The following PRR29 variants were observed in gnomAD, a reference collection of about 807,000 sequenced individuals.
The protein encoded by PRR29 is proline-rich protein 29.
In PRR29, 20 loss-of-function variants were observed where a neutral mutation model predicts 25.1. The observed-to-expected ratio is 0.80, with a 90% CI of 0.56 to 1.16. PRR29 has a LOEUF of 1.16. Among genes scored for constraint, PRR29 ranks in the 50% most tolerant of loss-of-function variants. The probability of loss-of-function intolerance (pLI) is 0.00; values close to 1 mark genes in which losing one functional copy is unlikely to be tolerated. For synonymous variants in PRR29, 108 were observed against 102.6 expected (o/e 1.05, Z -0.32); for missense variants, 238 against 246.6 (o/e 0.97, Z 0.23).
At position 64,003,650 on chromosome 17, in the gene PRR29, T is replaced by G. The variant is rs756792236; in HGVS notation, c.*1889T>G. 2 of 1,612,840 alleles carry G rather than the reference T, an allele frequency of 1.2e-6. No individual in the cohort carries two copies. The highest frequency in any genetic ancestry group is 2.2e-5 in the South Asian group (2 of 90,888). On this transcript the variant is annotated 3_prime_UTR_variant, in exon 6 of 6. Transcript: ENST00000412177. ...TCCACGGATCCCCCCTCACCATAGA[T>G]CTCCAACATCTTCGGGGCTGAGTGT...
In PRR29 at chr17:64,001,156, T is replaced by G. The variant is rs752371256; in HGVS notation, c.316T>G (p.Leu106Val). 1.2e-5 allele frequency: 19 copies of G among 1,537,316 alleles called. No individual in the cohort carries two copies. In the South Asian group the frequency reaches 1.5e-4, roughly 13 times the overall value. ...GATGGACGTGCGGGAGAAAGGGCCT[T>G]TGGTGTTTCACCACCACTACTTGCC... Reference protein sequence around the residue: ...EEMDVREKGPLVFHHHYLPYL... With the variant: ...EEMDVREKGPVVFHHHYLPYL... Residue 106 changes from leucine (L) to valine (V), a missense_variant, in exon 4 of 6, where the codon TTG becomes GTG. By Grantham distance (32) the Leu-to-Val change is conservative. Transcript: ENST00000412177.
Position 64,001,776 on chromosome 17 carries a change from CCTGGG to C in PRR29, c.*16_*20del, listed in dbSNP as rs1326722359. The C allele has an allele frequency of 2.0e-6, 3 of 1,537,032 alleles. No individual in the cohort carries two copies. The African/African-American group carries it at 4.1e-5, about 21-fold the overall frequency. On this transcript the variant is annotated 3_prime_UTR_variant, in exon 6 of 6. Transcript: ENST00000412177. ...GCCTCCTATGAGGACAGACCCCGGCCCTGGGAACTGCACCAGCTTCCTGCTCTGGA... is the reference window on the plus strand; with the variant it reads ...GCCTCCTATGAGGACAGACCCCGGCCAACTGCACCAGCTTCCTGCTCTGGA...
Position 64,001,929 on chromosome 17 carries a change from C to T in PRR29, c.*168C>T. The T allele has an allele frequency of 2.6e-6, 4 of 1,535,456 alleles. No homozygotes were observed. The highest frequency in any genetic ancestry group is 1.2e-5 in the South Asian group (1 of 84,024). ...TCTCCTGGGGAAATCAGTCCCTGCC[C>T]CACGCCAATGAGTTCCTGGACGGGC... is the stretch of plus-strand genomic sequence containing the variant. On this transcript the variant is annotated 3_prime_UTR_variant, in exon 6 of 6. Coordinates refer to ENST00000412177, the MANE Select transcript of PRR29 (RefSeq NM_001164257.2).
At position 64,003,849 on chromosome 17, in the gene PRR29, G is replaced by GA; in HGVS notation, c.*2090dup. 6.2e-7 allele frequency: 1 copy of GA among 1,614,224 alleles called. No individual in the cohort carries two copies. The highest frequency in any genetic ancestry group is 1.1e-5 in the South Asian group (1 of 91,084). On this transcript the variant is annotated 3_prime_UTR_variant, in exon 6 of 6. Coordinates refer to ENST00000412177, the MANE Select transcript of PRR29 (RefSeq NM_001164257.2). ...GCAGAGTCTCATTGCCACGGAACAG[G>GA]AAGAGGGTGAGGCTGTCCAGGGGCT...
chr17:64,000,454 C>G (rs1053997060), intron 3 of PRR29, among the ~76,000 whole-genome samples: 2 of 150,852 alleles, frequency 1.3e-5, no homozygotes, highest in Non-Finnish European at 3.0e-5. Flanking sequence ...CCCAGCCTCC[C>G]GAGTAGCTGG....
In PRR29 at chr17:64,003,629, CG is replaced by C. The variant is rs1910969693; in HGVS notation, c.*1870del. On this transcript the variant is annotated 3_prime_UTR_variant, in exon 6 of 6. Transcript: ENST00000412177. ...GACTTATCACTCCCAACTCCATCCACGGATCCCCCCTCACCATAGATCTCCA... is the reference window on the plus strand; with the variant it reads ...GACTTATCACTCCCAACTCCATCCACGATCCCCCCTCACCATAGATCTCCA... 6 of 1,602,800 alleles carry C rather than the reference CG, an allele frequency of 3.7e-6. No individual in the cohort carries two copies. The East Asian group carries it at 1.3e-4, about 36-fold the overall frequency.
chr17:64,002,096 C>T lies in PRR29; in HGVS notation c.*335C>T, dbSNP rs2143154925. The T allele has an allele frequency of 1.7e-6, 2 of 1,150,252 alleles. No homozygotes were observed. Among genetic ancestry groups the T allele is most frequent in the Non-Finnish European group, 2.4e-6 (2 of 825,622 alleles). 71.3% of individuals were successfully genotyped at this position (1,150,252 alleles called of 1,614,324 possible). On this transcript the variant is annotated 3_prime_UTR_variant, in exon 6 of 6. Transcript: ENST00000412177. ...AGCCCCCACCCTCTCTCCCTCACCC[C>T]TCTCTCTGGGATGATGAGGTCTCCT... is the stretch of plus-strand genomic sequence containing the variant.
intron 3 of PRR29, chr17:63,999,879 TGTGCGTGC>T (rs1910500088): frequency 6.5e-6 from 1 of 153,590 alleles, no homozygotes; most frequent in Non-Finnish European, 1.4e-5. Context: ...CAAGCAAGTG[TGTGCGTGC>T]AAGCAAGTGT....
Position 64,002,836 on chromosome 17 carries a change from TG to T in PRR29, c.*1076del. 1.2e-6 allele frequency: 2 copies of T among 1,613,892 alleles called. No individual in the cohort carries two copies. The highest frequency in any genetic ancestry group is 1.7e-6 in the Non-Finnish European group (2 of 1,179,984). On this transcript the variant is annotated 3_prime_UTR_variant, in exon 6 of 6. Transcript: ENST00000412177. Reference sequence around the variant, plus strand: ...TGCTGGCGCAAGTGCTGGCCGAAGATGAAGCAGAGCAGGACAGATGTCACGA... The same window carrying T: ...TGCTGGCGCAAGTGCTGGCCGAAGATAAGCAGAGCAGGACAGATGTCACGA...
rs774163017 is a variant in PRR29 at position 64,002,879 on chromosome 17, C to T, written c.*1118C>T. ...ATGTCACGAACAGGGACAGCAACACCGACACCACCGTGACTATGATGACCA... is the reference window on the plus strand; with the variant it reads ...ATGTCACGAACAGGGACAGCAACACTGACACCACCGTGACTATGATGACCA... On this transcript the variant is annotated 3_prime_UTR_variant, in exon 6 of 6. Coordinates refer to ENST00000412177, the MANE Select transcript of PRR29 (RefSeq NM_001164257.2). 17 of 1,613,858 alleles carry T rather than the reference C, an allele frequency of 1.1e-5. No individual in the cohort carries two copies. The highest frequency in any genetic ancestry group is 2.2e-5 in the East Asian group (1 of 44,848).
At position 64,003,630 on chromosome 17, in the gene PRR29, G is replaced by A. The variant is rs140619763; in HGVS notation, c.*1869G>A. On this transcript the variant is annotated 3_prime_UTR_variant, in exon 6 of 6. Coordinates refer to ENST00000412177, the MANE Select transcript of PRR29 (RefSeq NM_001164257.2). ...ACTTATCACTCCCAACTCCATCCAC[G>A]GATCCCCCCTCACCATAGATCTCCA... 3.7e-4 allele frequency: 600 copies of A among 1,603,780 alleles called. 3 individuals carry two copies. The highest frequency in any genetic ancestry group is 1.5e-3 in the South Asian group (132 of 89,666).
chr17:64,002,828 G>GCC lies in PRR29; in HGVS notation c.*1068_*1069dup. On this transcript the variant is annotated 3_prime_UTR_variant, in exon 6 of 6. Coordinates refer to ENST00000412177, the MANE Select transcript of PRR29 (RefSeq NM_001164257.2). ...CCATCCGCTGCTGGCGCAAGTGCTG[G>GCC]CCGAAGATGAAGCAGAGCAGGACAG... is the stretch of plus-strand genomic sequence containing the variant. 1.2e-6 allele frequency: 2 copies of GCC among 1,613,944 alleles called. No individual in the cohort carries two copies. The highest frequency in any genetic ancestry group is 1.7e-6 in the Non-Finnish European group (2 of 1,179,988).
At position 64,001,460 on chromosome 17, in the gene PRR29, A is replaced by G. The variant is rs1910738305; in HGVS notation, c.471-7A>G. 3 of 1,496,256 alleles carry G rather than the reference A, an allele frequency of 2.0e-6. No individual in the cohort carries two copies. The highest frequency in any genetic ancestry group is 2.7e-6 in the Non-Finnish European group (3 of 1,127,182). 92.7% of individuals were successfully genotyped at this position (1,496,256 alleles called of 1,614,324 possible). On this transcript the variant is annotated splice_polypyrimidine_tract_variant and splice_region_variant and intron_variant, in intron 4 of 5. Coordinates refer to ENST00000412177, the MANE Select transcript of PRR29 (RefSeq NM_001164257.2). Reference sequence around the variant, plus strand: ...TGATGGGGGTCTTTTTCTTTCCCCCATCTCAGGAGAGCTGTGCCCCCACCC... The same window carrying G: ...TGATGGGGGTCTTTTTCTTTCCCCCGTCTCAGGAGAGCTGTGCCCCCACCC...
intron 3 of PRR29, chr17:63,999,414 G>A (rs1598004010): frequency 5.2e-6 from 2 of 385,570 alleles, no homozygotes; most frequent in Non-Finnish European, 9.5e-6. Context: ...ACACCGTGTA[G>A]GGGCTCAGCT....
chr17:63,998,797 T>TTCC lies in PRR29; in HGVS notation c.136+15_136+16insTCC. 24 of 1,062,578 alleles carry TTCC rather than the reference T, an allele frequency of 2.3e-5. No individual in the cohort carries two copies. The highest frequency in any genetic ancestry group is 8.2e-5 in the South Asian group (6 of 73,252). The allele number at this position is 1,062,578 out of a possible 1,614,324, so 65.8% of individuals were successfully genotyped here. On this transcript the variant is annotated intron_variant, in intron 2 of 5. Coordinates refer to ENST00000412177, the MANE Select transcript of PRR29 (RefSeq NM_001164257.2). ...CGTGAAGGAAGGTGAGACTCCCGGG[T>TTCC]CCCCCCACCCCACCCCCACCATCAC...
At chr17:63,998,490 C>A (rs1910274538) in intron 1 of PRR29, 66 bp downstream of exon 1, 1 of 1,421,794 alleles carries the variant, frequency 7.0e-7, no homozygotes, top group Non-Finnish European at 9.3e-7. Context: ...GGAGCTGTCC[C>A]TGGAGGGGCC....
rs964681852 is a variant in PRR29, at chr17:64,002,503, G to A, written c.*742G>A. On this transcript the variant is annotated 3_prime_UTR_variant, in exon 6 of 6. Coordinates refer to ENST00000412177, the MANE Select transcript of PRR29 (RefSeq NM_001164257.2). The stretch of plus-strand genomic sequence containing the variant: ...GGGAGGCCCCTGTGAAGGAGAGGGT[G>A]GGGAGGGAGGCATCTAGGGAGAGGG... 8 of 537,120 alleles carry A rather than the reference G, an allele frequency of 1.5e-5. No individual in the cohort carries two copies. In the Admixed American group the frequency reaches 1.6e-4, roughly 11 times the overall value. 33.3% of individuals were successfully genotyped at this position (537,120 alleles called of 1,614,324 possible).
chr17:64,003,793 G>A lies in PRR29; in HGVS notation c.*2032G>A. Reference sequence around the variant, plus strand: ...GAATGTGGCTGTGGCCTCCTGCGGAGCAGGGGCTGCCTTCCCGAAGGTCTC... The same window carrying A: ...GAATGTGGCTGTGGCCTCCTGCGGAACAGGGGCTGCCTTCCCGAAGGTCTC... On this transcript the variant is annotated 3_prime_UTR_variant, in exon 6 of 6. Coordinates refer to ENST00000412177, the MANE Select transcript of PRR29 (RefSeq NM_001164257.2). 1.2e-6 allele frequency: 2 copies of A among 1,614,258 alleles called. No individual in the cohort carries two copies. The highest frequency in any genetic ancestry group is 1.7e-6 in the Non-Finnish European group (2 of 1,180,056).
chr17:64,001,452 T>C lies in PRR29; in HGVS notation c.471-15T>C. ...TGGGCCTCTGATGGGGGTCTTTTTC[T>C]TTCCCCCATCTCAGGAGAGCTGTGC... On this transcript the variant is annotated splice_polypyrimidine_tract_variant and intron_variant, in intron 4 of 5. Coordinates refer to ENST00000412177, the MANE Select transcript of PRR29 (RefSeq NM_001164257.2). 1 of 1,498,658 alleles carries C rather than the reference T, an allele frequency of 6.7e-7. No individual in the cohort carries two copies. Among genetic ancestry groups the C allele is most frequent in the Non-Finnish European group, 8.9e-7 (1 of 1,127,016 alleles). The allele number at this position is 1,498,658 out of a possible 1,614,324, so 92.8% of individuals were successfully genotyped here. A position where few individuals can be genotyped will look rare whatever the true frequency, so the allele number is the denominator to read the frequency against.
Sources: gnomAD v4.1 joint callset for allele counts (sites outside exome capture counted in the v4.1 genomes callset) on GRCh38, gnomAD v4.1.1 for gene constraint, MANE v1.5 for transcripts, NCBI Gene and HGNC (gene_info 2026-07-23, HGNC 2026-07-21) for gene names.